PLEKHH1: variants seen among roughly 807,000 people sequenced by gnomAD.
The protein encoded by PLEKHH1 is pleckstrin homology, MyTH4 and FERM domain containing H1, also known as pleckstrin homology domain-containing family H member 1.
In PLEKHH1, 104 loss-of-function variants were observed where a neutral mutation model predicts 160.0. That is an observed-to-expected ratio of 0.65 (90% CI 0.55 to 0.76). The LOEUF (loss-of-function observed/expected upper bound fraction) is 0.76. Among genes scored for constraint, PLEKHH1 ranks in the 30% least tolerant of loss-of-function variants. The pLI is 0.00. For synonymous variants in PLEKHH1, 619 were observed against 678.4 expected, an observed-to-expected ratio of 0.91 and a Z score of 1.36; for missense variants, 1,427 against 1,724.1, an observed-to-expected ratio of 0.83 and a Z score of 3.05.
rs1013669396 is a variant in PLEKHH1, at chr14:67,578,121, C to T, written c.2673C>T (p.Pro891=). The part of the protein sequence containing the change: ...QTALQVCLVH[P]ELQSEIYCQL... ...CACTGCAGGTCTGCCTGGTTCACCC[C>T]GAGCTGCAGAGTGAGATCTACTGCC... Residue 891 remains proline (P), a synonymous_variant, in exon 19 of 29, where the codon CCC becomes CCT. Coordinates refer to ENST00000329153, the MANE Select transcript of PLEKHH1 (RefSeq NM_020715.3). This position sits in a 1 kb window ranked among gnomAD's most constrained non-coding sequence, Gnocchi z 5.0. 10 of 1,613,696 alleles carry T rather than the reference C, an allele frequency of 6.2e-6. No individual in the cohort carries two copies. Among genetic ancestry groups the T allele is most frequent in the Admixed American group, 3.3e-5 (2 of 60,008 alleles).
chr14:67,573,677 C>A lies in PLEKHH1; in HGVS notation c.1840-124C>A. The stretch of plus-strand genomic sequence containing the variant: ...CTAGAATAAGTCACCCATCATAACA[C>A]AGCCAGAATGCTGGGAATCATGTTT... On this transcript the variant is annotated intron_variant, in intron 12 of 28. Transcript: ENST00000329153. This position sits in a 1 kb window ranked among gnomAD's most constrained non-coding sequence, Gnocchi z 4.8. 1 of 736,842 alleles carries A rather than the reference C, an allele frequency of 1.4e-6. No individual in the cohort carries two copies. The highest frequency in any genetic ancestry group is 2.5e-6 in the Non-Finnish European group (1 of 407,830). 45.6% of individuals were successfully genotyped at this position (736,842 alleles called of 1,614,324 possible). A position where few individuals can be genotyped will look rare whatever the true frequency, so the allele number is the denominator to read the frequency against.
At chr14:67,581,274 G>GCACACACACA (rs71129838) in intron 23 of PLEKHH1, among the ~76,000 whole-genome samples, 1 of 148,000 alleles carries the variant, frequency 6.8e-6, no homozygotes, top group East Asian at 2.0e-4. Context: ...GTGTGTATAT[G>GCACACACACA]CACACACACA....
In PLEKHH1 at chr14:67,573,986, G is replaced by A; in HGVS notation, c.1926+99G>A. The A allele has an allele frequency of 1.1e-6, 1 of 876,740 alleles. No homozygotes were observed. Among genetic ancestry groups the A allele is most frequent in the Non-Finnish European group, 1.9e-6 (1 of 525,624 alleles). 54.3% of individuals were successfully genotyped at this position (876,740 alleles called of 1,614,324 possible). A position where few individuals can be genotyped will look rare whatever the true frequency, so the allele number is the denominator to read the frequency against. On this transcript the variant is annotated intron_variant, in intron 13 of 28. Transcript: ENST00000329153. This position sits in a 1 kb window ranked among gnomAD's most constrained non-coding sequence, Gnocchi z 4.8. ...AAGATGGGGCCAAATGAGCATGAAT[G>A]AAAGACTTCAGATCAACATTTGGAC...
intron 1 of PLEKHH1, among the ~76,000 whole-genome samples, chr14:67,538,746 G>A (rs1419890503): frequency 1.3e-5 from 2 of 152,146 alleles, no homozygotes; most frequent in Admixed American, 6.5e-5. Context: ...ACTTGCCAGG[G>A]AGAGGGTGGT....
chr14:67,538,934 T>C (rs1273492559), intron 1 of PLEKHH1, among the ~76,000 whole-genome samples: 1 of 152,196 alleles, frequency 6.6e-6, no homozygotes, highest in African/African-American at 2.4e-5. Context: ...GAGATTTTGA[T>C]AATTTGGGTT....
rs2140586553 is a variant in PLEKHH1 at position 67,588,374 on chromosome 14, C to T, written c.*1139C>T. 6.5e-6 allele frequency: 1 copy of T among 152,706 alleles called. No individual in the cohort carries two copies. The highest frequency in any genetic ancestry group is 1.9e-4 in the East Asian group (1 of 5,190). 9.5% of individuals were successfully genotyped at this position (152,706 alleles called of 1,614,324 possible). On this transcript the variant is annotated 3_prime_UTR_variant, in exon 29 of 29. Coordinates refer to ENST00000329153, the MANE Select transcript of PLEKHH1 (RefSeq NM_020715.3). ...GAGTCAGAAACACAGAAGACTATTT[C>T]AGGCATGTGGGCCTGGATATGCTCC...
chr14:67,552,183 A>G (rs2034418643), intron 2 of PLEKHH1, among the ~76,000 whole-genome samples: 1 of 152,198 alleles, frequency 6.6e-6, no homozygotes, highest in South Asian at 2.1e-4. Flanking sequence ...TCAGCCACCT[A>G]AACCTGACAC....
intron 2 of PLEKHH1, among the ~76,000 whole-genome samples, chr14:67,554,165 C>T (rs1391466178): frequency 6.6e-6 from 1 of 152,146 alleles, no homozygotes; most frequent in African/African-American, 2.4e-5. Context: ...AAAGAGATCC[C>T]CCAGGTTCCC....
Position 67,585,949 on chromosome 14 carries a change from A to C in PLEKHH1, c.3787-2A>C. The C allele has an allele frequency of 6.2e-7, 1 of 1,610,322 alleles. No individual in the cohort carries two copies. The highest frequency in any genetic ancestry group is 8.5e-7 in the Non-Finnish European group (1 of 1,178,356). On this transcript the variant is annotated splice_acceptor_variant, in intron 27 of 28. Coordinates refer to ENST00000329153, the MANE Select transcript of PLEKHH1 (RefSeq NM_020715.3). LOFTEE classifies it high-confidence loss of function. ...CCACAACTGACTGGTTCCTTTCCAC[A>C]GCAAGTGCACATCACTTACCCCTAC...
chr14:67,556,625 C>T (rs1315602094), intron 3 of PLEKHH1, among the ~76,000 whole-genome samples: 1 of 152,160 alleles, frequency 6.6e-6, no homozygotes, highest in South Asian at 2.1e-4. Flanking sequence ...TGACGGTATG[C>T]ACCTATGGTC....
At chr14:67,537,998 A>G (rs1349644941) in intron 1 of PLEKHH1, among the ~76,000 whole-genome samples, 1 of 152,238 alleles carries the variant, frequency 6.6e-6, no homozygotes, top group Non-Finnish European at 1.5e-5. Context: ...GAAAACTATG[A>G]GTTTCATAAG....
intron 9 of PLEKHH1, chr14:67,570,800 T>A (rs940894773): frequency 1.3e-5 from 2 of 152,206 alleles, no homozygotes; most frequent in African/African-American, 4.8e-5. Flanking sequence ...CTTGGCTCAC[T>A]GCAACTTCCA....
rs1226316745 is a variant in PLEKHH1 at position 67,582,757 on chromosome 14, T to G, written c.3426+547T>G. ...CAGGCTGAGGCAGGAGAATCACTTG[T>G]ACCTGGGAGGCAGAGGTTGCAGTGA... On this transcript the variant is annotated intron_variant, in intron 24 of 28. Transcript: ENST00000329153. This position sits in a 1 kb window ranked among gnomAD's most constrained non-coding sequence, Gnocchi z 5.0. Among the ~76,000 whole-genome samples the G allele has an allele frequency of 6.6e-6, 1 of 152,106 alleles. No homozygotes were observed. Among genetic ancestry groups the G allele is most frequent in the Non-Finnish European group, 1.5e-5 (1 of 68,010 alleles).
At chr14:67,552,708 A>G (rs1435158843) in intron 2 of PLEKHH1, among the ~76,000 whole-genome samples, 1 of 151,452 alleles carries the variant, frequency 6.6e-6, no homozygotes, top group Non-Finnish European at 1.5e-5. Context: ...CGGAGCTTGC[A>G]GTGAGCCGAG....
rs2035949647 is a variant in PLEKHH1, at chr14:67,582,517, T to C, written c.3426+307T>C. On this transcript the variant is annotated intron_variant, in intron 24 of 28. Coordinates refer to ENST00000329153, the MANE Select transcript of PLEKHH1 (RefSeq NM_020715.3). The surrounding 1 kb of genome is among the most constrained non-coding windows in gnomAD (Gnocchi z 5.0). ...CTATGCTTTAGTTTCCTTCTCAGTA[T>C]ACCAAAATAAAAAATACTTGGCCGG... 6.6e-6 allele frequency among the ~76,000 whole-genome samples: 1 copy of C among 152,108 alleles called. No individual in the cohort carries two copies. Among genetic ancestry groups the C allele is most frequent in the Admixed American group, 6.6e-5 (1 of 15,266 alleles).
chr14:67,571,698 G>C (rs1324543844), intron 9 of PLEKHH1, 54 bp from the exon 10 acceptor site: 14 of 1,586,598 alleles, frequency 8.8e-6, no homozygotes, highest in Non-Finnish European at 1.1e-5. Context: ...TGCAGGGTTG[G>C]GAGAGGACTG....
intron 1 of PLEKHH1, among the ~76,000 whole-genome samples, chr14:67,539,165 C>T (rs1253674507): frequency 3.9e-5 from 6 of 152,194 alleles, no homozygotes; most frequent in Admixed American, 3.9e-4. Flanking sequence ...AGCAAAATCC[C>T]AGTAAAGGAC....
intron 22 of PLEKHH1, among the ~76,000 whole-genome samples, chr14:67,580,500 T>C (rs1428564584): frequency 6.6e-6 from 1 of 152,270 alleles, no homozygotes; most frequent in Non-Finnish European, 1.5e-5. Flanking sequence ...AAGGCTTCTA[T>C]GGTCTTTTAA....
Position 67,573,290 on chromosome 14 carries a change from G to T in PLEKHH1, c.1743G>T (p.Lys581Asn). The T allele has an allele frequency of 6.2e-7, 1 of 1,612,324 alleles. No individual in the cohort carries two copies. Among genetic ancestry groups the T allele is most frequent in the Non-Finnish European group, 8.5e-7 (1 of 1,178,762 alleles). Residue 581 changes from lysine to asparagine, a missense_variant, in exon 12 of 29, where the codon AAG becomes AAT. Coordinates refer to ENST00000329153, the MANE Select transcript of PLEKHH1 (RefSeq NM_020715.3). This position sits in a 1 kb window ranked among gnomAD's most constrained non-coding sequence, Gnocchi z 4.8. ...CCACCCCTCAGGAGTCACTGGAGAA[G>T]TCGGGCTACCTGCTGAAAATGGGGA... ...GLGLGGESLE[K>N]SGYLLKMGSQ... is the part of the protein sequence containing the mutation.
Sources: allele counts gnomAD v4.1 joint callset (sites outside exome capture counted in the v4.1 genomes callset), GRCh38; gene constraint gnomAD v4.1.1; non-coding constraint Gnocchi (gnomAD v3.1); transcripts MANE v1.5; gene names NCBI Gene and HGNC (gene_info 2026-07-23, HGNC 2026-07-21).